AAMDC: variants seen among roughly 807,000 people sequenced by gnomAD.
AAMDC encodes adipogenesis associated Mth938 domain containing, also known as mth938 domain-containing protein.
A neutral mutation model predicts 15.5 loss-of-function variants in AAMDC; 16 were observed. The observed-to-expected ratio is 1.03, with a 90% CI of 0.70 to 1.57. The LOEUF (loss-of-function observed/expected upper bound fraction) is 1.57, where lower values mean the gene tolerates loss of function less well. AAMDC is among the 40% of genes most tolerant of loss of function. AAMDC has a pLI of 0.00. For missense variants in AAMDC, 141 were observed against 144.9 expected (o/e 0.97, Z 0.14); for synonymous variants, 51 against 51.6 (o/e 0.99, Z 0.05).
intron 2 of AAMDC, among the ~76,000 whole-genome samples, chr11:77,864,734 G>A (rs774900154): frequency 1.3e-5 from 2 of 152,140 alleles, no homozygotes; most frequent in Non-Finnish European, 2.9e-5. Context: ...ATCTCAACAC[G>A]TTGGGAGACC....
chr11:77,844,843 A>G (rs914470188), intron 2 of AAMDC, among the ~76,000 whole-genome samples: 5 of 152,184 alleles, frequency 3.3e-5, no homozygotes, highest in Non-Finnish European at 7.3e-5. Context: ...TAATGATGGA[A>G]GTAGATCCTT....
At chr11:77,866,602 T>A (rs1034002243) in intron 2 of AAMDC, 1 of 152,162 alleles carries the variant, frequency 6.6e-6, no homozygotes, top group Non-Finnish European at 1.5e-5. Flanking sequence ...CTGTCTCCAG[T>A]CTAATCTCCA....
At chr11:77,843,734 C>G (rs1342294517) in intron 2 of AAMDC, among the ~76,000 whole-genome samples, 1 of 152,056 alleles carries the variant, frequency 6.6e-6, no homozygotes, top group Non-Finnish European at 1.5e-5. Context: ...GGTTCTGGTC[C>G]TTGTATTAAT....
intron 5 of AAMDC, among the ~76,000 whole-genome samples, chr11:77,899,111 A>G (rs974070413): frequency 7.2e-5 from 11 of 152,172 alleles, no homozygotes; most frequent in African/African-American, 2.7e-4. Flanking sequence ...AGGTACTACT[A>G]TTATCTCAGT....
chr11:77,848,728 C>T (rs575444506), intron 2 of AAMDC, among the ~76,000 whole-genome samples: 31 of 152,306 alleles, frequency 2.0e-4, no homozygotes, highest in African/African-American at 7.5e-4. Flanking sequence ...GAGCTATAAA[C>T]GTGTGAAAGC....
chr11:77,832,700 A>G (rs916351724), intron 1 of AAMDC, among the ~76,000 whole-genome samples: 4 of 151,292 alleles, frequency 2.6e-5, no homozygotes, highest in African/African-American at 9.7e-5. Context: ...GTTTTAAGAA[A>G]AAAAAAAAAA....
At chr11:77,894,371 T>G in intron 5 of AAMDC, 1 of 1,442,290 alleles carries the variant, frequency 6.9e-7, no homozygotes, top group Non-Finnish European at 9.6e-7. Flanking sequence ...AAATGTAAAA[T>G]AATTTGCTTG....
intron 2 of AAMDC, among the ~76,000 whole-genome samples, chr11:77,860,526 C>G (rs941967955): frequency 1.3e-5 from 2 of 152,156 alleles, no homozygotes; most frequent in Non-Finnish European, 2.9e-5. Flanking sequence ...AATTTAAGAG[C>G]GCTTGGGTGG....
At chr11:77,859,591 C>G (rs933272706) in intron 2 of AAMDC, among the ~76,000 whole-genome samples, 1 of 152,164 alleles carries the variant, frequency 6.6e-6, no homozygotes, top group African/African-American at 2.4e-5. Context: ...GCACTAGTTC[C>G]TGGAGTGAGG....
chr11:77,841,471 C>A lies in AAMDC; in HGVS notation c.-18-1008C>A, dbSNP rs56929623. On this transcript the variant is annotated intron_variant, in intron 1 of 3. Coordinates refer to ENST00000393427, the MANE Select transcript of AAMDC (RefSeq NM_024684.4). ...ACATTAATTAAACATTTGGCTCAAA[C>A]ACCTTGAGGCAGTAAGACTTTCTCT... Among the ~76,000 whole-genome samples the A allele has an allele frequency of 8.2e-3, 1,246 of 152,250 alleles. 14 individuals carry two copies. The highest frequency in any genetic ancestry group is 0.027 in the African/African-American group (1,107 of 41,534).
downstream of AAMDC, among the ~76,000 whole-genome samples, chr11:77,905,235 T>G (rs1952910000): frequency 6.6e-6 from 1 of 152,066 alleles, no homozygotes; most frequent in South Asian, 2.1e-4. Context: ...GGTGGGTGGA[T>G]GACCTGAGGT....
chr11:77,887,835 A>G (rs1478929209), intron 5 of AAMDC, among the ~76,000 whole-genome samples: 1 of 152,256 alleles, frequency 6.6e-6, no homozygotes, highest in Non-Finnish European at 1.5e-5. Flanking sequence ...TGGTTCAAAA[A>G]GAATAAAATA....
chr11:77,861,653 A>C (rs943565112), intron 2 of AAMDC, among the ~76,000 whole-genome samples: 1 of 152,146 alleles, frequency 6.6e-6, no homozygotes, highest in Non-Finnish European at 1.5e-5. Flanking sequence ...GCTTATTTCT[A>C]TGTGGACAAT....
intron 2 of AAMDC, chr11:77,868,682 TG>T (rs1203017663): frequency 5.7e-6 from 1 of 176,850 alleles, no homozygotes; most frequent in Non-Finnish European, 1.3e-5. Context: ...TTTTTGTTGT[TG>T]TTGTTGTTGT....
chr11:77,849,261 G>A (rs187857947), intron 2 of AAMDC, among the ~76,000 whole-genome samples: 70 of 151,232 alleles, frequency 4.6e-4, no homozygotes, highest in African/African-American at 1.5e-3. Flanking sequence ...TTGCTGTGTC[G>A]CCCAGGCTGG....
chr11:77,858,403 C>CGGCTTGAATGCT (rs1555012080), intron 2 of AAMDC, among the ~76,000 whole-genome samples: 1 of 146,444 alleles, frequency 6.8e-6, no homozygotes, highest in African/African-American at 2.6e-5. Flanking sequence ...TTGCCATTGC[C>CGGCTTGAATGCT]GGCTCGAATG....
chr11:77,841,660 T>C (rs1949938385), intron 1 of AAMDC, among the ~76,000 whole-genome samples: 1 of 152,160 alleles, frequency 6.6e-6, no homozygotes, highest in African/African-American at 2.4e-5. Flanking sequence ...GTGTCTTGGG[T>C]CTATCTTCCA....
intron 3 of AAMDC, among the ~76,000 whole-genome samples, chr11:77,871,702 G>A (rs1041153021): frequency 3.9e-5 from 6 of 152,132 alleles, no homozygotes; most frequent in Non-Finnish European, 7.3e-5. Flanking sequence ...GCTAGCATGC[G>A]GCAAAGAAGA....
At chr11:77,892,787 A>G (rs1952332407) in intron 5 of AAMDC, among the ~76,000 whole-genome samples, 1 of 151,946 alleles carries the variant, frequency 6.6e-6, no homozygotes, top group African/African-American at 2.4e-5. Flanking sequence ...GTGTCACTAT[A>G]TTGGCCAGGC....
Sources: allele counts gnomAD v4.1 joint callset (sites outside exome capture counted in the v4.1 genomes callset), GRCh38; gene constraint gnomAD v4.1.1; transcripts MANE v1.5; gene names NCBI Gene and HGNC (gene_info 2026-07-23, HGNC 2026-07-21).